Variants in RPGR observed in about 807,000 individuals in gnomAD.
RPGR encodes the protein retinitis pigmentosa GTPase regulator, also known as X-linked retinitis pigmentosa GTPase regulator.
A neutral mutation model predicts 56.3 loss-of-function variants in RPGR; 10 were observed. The ratio of observed to expected loss-of-function variants is 0.18; its 90% CI spans 0.11 to 0.30. The LOEUF is 0.30. Among genes scored for constraint, RPGR ranks in the 10% least tolerant of loss-of-function variants. RPGR has a pLI of 1.00. For missense variants in RPGR, 538 were observed against 590.9 expected (o/e 0.91, Z 0.93); for synonymous variants, 197 against 212.9 (o/e 0.93, Z 0.65).
intron 14 of RPGR, chrX:38,287,628 T>C (rs2067210586): frequency 1.9e-6 from 1 of 513,843 alleles, no homozygotes; most frequent in Admixed American, 2.6e-5. Flanking sequence ...TTGTACTCTT[T>C]TCCCTTTCTC....
At chrX:38,326,952 G>A (rs2068057684) in intron 1 of RPGR, 1 of 155,883 alleles carries the variant, frequency 6.4e-6, no homozygotes, top group Non-Finnish European at 1.2e-5. Context: ...CAGCTACTCG[G>A]AGGCTAAGGC....
Position 38,276,804 on chromosome X carries a change from A to C in RPGR, c.1906-32T>G, listed in dbSNP as rs113460525. On this transcript the variant is annotated intron_variant, in intron 15 of 18. Coordinates refer to ENST00000642395, the MANE Select transcript of RPGR (RefSeq NM_000328.3). ...CAAAATTGACCATCAGAGAAGAGTA[A>C]GATTTTCTTGTTAAAAAACGAGGGA... The C allele has an allele frequency of 3.5e-6, 4 of 1,133,522 alleles. No homozygotes were observed. The African/African-American group carries it at 7.2e-5, about 20-fold the overall frequency. The allele number at this position is 1,133,522 out of a possible 1,213,427, so 93.4% of individuals were successfully genotyped here.
At chrX:38,308,044 T>G in intron 7 of RPGR, 1 of 112,093 alleles carries the variant, frequency 8.9e-6, no homozygotes, top group Middle Eastern at 4.6e-3. Flanking sequence ...CTTCACTGTT[T>G]ACAAAGTTAT....
chrX:38,276,450 G>T, intron 16 of RPGR: 1 of 584,524 alleles, frequency 1.7e-6, no homozygotes, highest in Non-Finnish European at 2.7e-6. Context: ...TTCTCTTATG[G>T]CACATGAATT....
chrX:38,304,310 C>T (rs2067556108), intron 8 of RPGR, among the ~76,000 whole-genome samples: 1 of 111,685 alleles, frequency 9.0e-6, no homozygotes, highest in Admixed American at 9.5e-5. Context: ...TTCCTTTTGG[C>T]CTGAGTAGAA....
intron 11 of RPGR, among the ~76,000 whole-genome samples, chrX:38,295,582 A>G (rs186989893): frequency 1.2e-3 from 134 of 112,162 alleles, no homozygotes; most frequent in Middle Eastern, 4.6e-3. Flanking sequence ...TACTTTTTCC[A>G]TGTCCAGGGC....
At position 38,298,917 on chromosome X, in the gene RPGR, C is replaced by T; in HGVS notation, c.1245+39G>A. Reference sequence around the variant, plus strand: ...TTTTCTTCTAGTTTTCTTTGCAGTGCTAGATAATACTATTATACAGAATAG... The same window carrying T: ...TTTTCTTCTAGTTTTCTTTGCAGTGTTAGATAATACTATTATACAGAATAG... On this transcript the variant is annotated intron_variant, in intron 10 of 18. Transcript: ENST00000642395. The T allele has an allele frequency of 2.6e-6, 3 of 1,176,213 alleles. No homozygotes were observed. In the East Asian group the frequency reaches 8.9e-5, roughly 35 times the overall value.
Position 38,310,934 on chromosome X carries a change from C to T in RPGR, c.620-161G>A, listed in dbSNP as rs41312096. Among the ~76,000 whole-genome samples the T allele has an allele frequency of 6.4e-3, 714 of 111,784 alleles. 6 individuals carry two copies. The highest frequency in any genetic ancestry group is 0.037 in the Middle Eastern group (8 of 217). ...AGAAATAAAGCTAGATTTTCTTTTCCCCTTGATTATTTTAATCCAATCATT... is the reference window on the plus strand; with the variant it reads ...AGAAATAAAGCTAGATTTTCTTTTCTCCTTGATTATTTTAATCCAATCATT... On this transcript the variant is annotated intron_variant, in intron 6 of 18. Transcript: ENST00000642395.
chrX:38,317,348 G>A lies in RPGR; in HGVS notation c.587C>T (p.Ser196Phe). 1 of 1,209,970 alleles carries A rather than the reference G, an allele frequency of 8.3e-7. No individual in the cohort carries two copies. The highest frequency in any genetic ancestry group is 1.1e-6 in the Non-Finnish European group (1 of 894,154). The stretch of plus-strand genomic sequence containing the variant: ...AAAAGCTGAATGGTAATATCCACAA[G>A]AGATCCAGGAGACAGGTTTCCCAAT... The change falls in exon 6 of 19, where the codon TCT (serine) becomes TTT (phenylalanine). Residue 196 changes from serine (S) to phenylalanine (F), a missense_variant. Transcript: ENST00000642395.
intron 11 of RPGR, among the ~76,000 whole-genome samples, chrX:38,296,344 A>T (rs1164112459): frequency 9.0e-6 from 1 of 111,713 alleles, no homozygotes; most frequent in East Asian, 2.8e-4. Context: ...CATTTACTTT[A>T]AAAAATATAT....
intron 9 of RPGR, among the ~76,000 whole-genome samples, chrX:38,301,008 T>A (rs755878553): frequency 5.4e-5 from 6 of 111,547 alleles, no homozygotes; most frequent in Non-Finnish European, 9.4e-5. Context: ...TATATGAGAA[T>A]GAAGCAGAAG....
chrX:38,297,406 A>G lies in RPGR; in HGVS notation c.1292T>C (p.Ile431Thr). ...AGCAGAAAGGCCAAGAGTCCCTTCT[A>G]TTGGAGGTAGTGTTCTCCTCATTGA... The change falls in exon 11 of 19, where the codon ATA becomes ACA. Residue 431 changes from isoleucine (I) to threonine (T), a missense_variant. Physicochemically the swap from Ile to Thr is moderately conservative, Grantham distance 89. Coordinates refer to ENST00000642395, the MANE Select transcript of RPGR (RefSeq NM_000328.3). The G allele has an allele frequency of 8.3e-7, 1 of 1,208,745 alleles. No homozygotes were observed. Among genetic ancestry groups the G allele is most frequent in the Non-Finnish European group, 1.1e-6 (1 of 893,527 alleles).
chrX:38,319,161 G>T (rs1189390054), intron 4 of RPGR, among the ~76,000 whole-genome samples, 174 bp from the exon 5 acceptor site: 1 of 112,161 alleles, frequency 8.9e-6, no homozygotes, highest in African/African-American at 3.2e-5. Context: ...AACAAGCAAG[G>T]CCACATATTT....
At chrX:38,310,430 C>T (rs1228231407) in intron 7 of RPGR, among the ~76,000 whole-genome samples, 185 bp downstream of exon 7, 2 of 111,336 alleles carry the variant, frequency 1.8e-5, no homozygotes, top group Non-Finnish European at 3.8e-5. Flanking sequence ...TTTCAGAGAT[C>T]TGCTGTACAA....
chrX:38,321,138 C>A, intron 3 of RPGR, 49 bp from the exon 4 acceptor site: 1 of 915,739 alleles, frequency 1.1e-6, no homozygotes, highest in South Asian at 2.0e-5. Context: ...TGAAAATGAA[C>A]AGTAGTCCAG....
intron 6 of RPGR, among the ~76,000 whole-genome samples, chrX:38,314,033 T>A (rs770380873): frequency 9.0e-6 from 1 of 111,578 alleles, no homozygotes; most frequent in African/African-American, 3.3e-5. Flanking sequence ...TAAAATACAC[T>A]AATACTAACG....
intron 11 of RPGR, among the ~76,000 whole-genome samples, chrX:38,295,030 T>G (rs2067350517): frequency 8.9e-6 from 1 of 112,173 alleles, no homozygotes; most frequent in Non-Finnish European, 1.9e-5. Flanking sequence ...TAAAATCTTT[T>G]AATGACTTTC....
chrX:38,304,797 G>C lies in RPGR; in HGVS notation c.779-7C>G. 7 of 1,206,755 alleles carry C rather than the reference G, an allele frequency of 5.8e-6. No homozygotes were observed. Among genetic ancestry groups the C allele is most frequent in the Non-Finnish European group, 6.7e-6 (6 of 891,684 alleles). On this transcript the variant is annotated splice_region_variant and splice_polypyrimidine_tract_variant and intron_variant, in intron 7 of 18. Transcript: ENST00000642395. ...AAGGTATACACAGCATTCTCTGAAA[G>C]GAAAGGGGCAAATACAAGACAAGGA...
At chrX:38,283,355 G>A (rs1352389105) in intron 15 of RPGR, among the ~76,000 whole-genome samples, 4 of 111,857 alleles carry the variant, frequency 3.6e-5, no homozygotes, top group Non-Finnish European at 7.5e-5. Context: ...ATTTTTTATT[G>A]AGGAAAAAGG....
Sources: allele counts gnomAD v4.1 joint callset (sites outside exome capture counted in the v4.1 genomes callset), GRCh38; gene constraint gnomAD v4.1.1; transcripts MANE v1.5; gene names NCBI Gene and HGNC (gene_info 2026-07-23, HGNC 2026-07-21).